MYO1E: variants seen among roughly 807,000 people sequenced by gnomAD.
MYO1E encodes the protein unconventional myosin-Ie.
Under a neutral mutation model 151.1 loss-of-function variants are expected in MYO1E, and 68 were observed. That is an observed-to-expected ratio of 0.45 (90% CI 0.37 to 0.55). The LOEUF (loss-of-function observed/expected upper bound fraction) is 0.55, where lower values mean the gene tolerates loss of function less well. MYO1E is among the 20% of genes least tolerant of loss of function. The pLI is 0.00. For missense variants in MYO1E, 1,363 were observed against 1,389.3 expected (o/e 0.98, Z 0.30); for synonymous variants, 601 against 501.7 (o/e 1.20, Z -2.64).
chr15:59,161,238 A>T lies in MYO1E; in HGVS notation c.2628-8T>A. On this transcript the variant is annotated splice_region_variant and splice_polypyrimidine_tract_variant and intron_variant, in intron 23 of 27. Transcript: ENST00000288235. Reference sequence around the variant, plus strand: ...TTCAACTTCAGTTCAAGCCTGCAAAAAGCACAGTGGGGTTAACAGGTCGAA... The same window carrying T: ...TTCAACTTCAGTTCAAGCCTGCAAATAGCACAGTGGGGTTAACAGGTCGAA... 1 of 1,613,598 alleles carries T rather than the reference A, an allele frequency of 6.2e-7. No homozygotes were observed. The highest frequency in any genetic ancestry group is 8.5e-7 in the Non-Finnish European group (1 of 1,179,672).
intron 25 of MYO1E, among the ~76,000 whole-genome samples, chr15:59,156,021 C>T (rs905960195): frequency 4.4e-4 from 67 of 152,238 alleles, no homozygotes; most frequent in African/African-American, 1.4e-3. Flanking sequence ...TGGTGCATGC[C>T]ACCACGCCCA....
intron 1 of MYO1E, among the ~76,000 whole-genome samples, chr15:59,278,912 T>C (rs1596397725): frequency 6.6e-6 from 1 of 152,258 alleles, no homozygotes; most frequent in African/African-American, 2.4e-5. Flanking sequence ...ATGGAGAAAC[T>C]GAAGCTTGGG....
At chr15:59,336,477 A>T (rs4775151) in intron 1 of MYO1E, among the ~76,000 whole-genome samples, 152,339 of 152,346 alleles carry the variant, frequency 1, 76,166 homozygotes, top group Non-Finnish European at 1. Flanking sequence ...TTCATAAGTA[A>T]CTTTTATTTT....
At chr15:59,255,309 G>A (rs1280868356) in intron 4 of MYO1E, among the ~76,000 whole-genome samples, 1 of 151,948 alleles carries the variant, frequency 6.6e-6, no homozygotes, top group Non-Finnish European at 1.5e-5. Flanking sequence ...GTAGAGATGG[G>A]GTTTCGCCAT....
chr15:59,305,291 T>G (rs970265061), intron 1 of MYO1E, among the ~76,000 whole-genome samples: 2 of 152,136 alleles, frequency 1.3e-5, no homozygotes, highest in Non-Finnish European at 2.9e-5. Context: ...CCTCCCGGGA[T>G]CAAGCAATCC....
intron 4 of MYO1E, among the ~76,000 whole-genome samples, chr15:59,254,735 G>A (rs898164899): frequency 9.9e-5 from 15 of 151,912 alleles, no homozygotes; most frequent in South Asian, 4.1e-4. Flanking sequence ...ACACAAATAC[G>A]TATGATAAGA....
intron 1 of MYO1E, among the ~76,000 whole-genome samples, chr15:59,318,101 A>G (rs993876874): frequency 6.6e-5 from 10 of 152,172 alleles, no homozygotes; most frequent in African/African-American, 2.4e-4. Flanking sequence ...TGTAATTACA[A>G]TTGCGATTTC....
chr15:59,303,817 T>A (rs137914331), intron 1 of MYO1E, among the ~76,000 whole-genome samples: 51 of 152,122 alleles, frequency 3.4e-4, no homozygotes, highest in African/African-American at 1.1e-3. Context: ...TTCTACTGAG[T>A]CGGCAGTGTA....
chr15:59,179,286 C>A (rs570236220), intron 18 of MYO1E, among the ~76,000 whole-genome samples: 1 of 152,224 alleles, frequency 6.6e-6, no homozygotes, highest in South Asian at 2.1e-4. Context: ...TTGTTAGTTT[C>A]TCTCATAGCA....
chr15:59,236,765 C>A (rs533753046), intron 4 of MYO1E, 93 bp from the exon 5 acceptor site: 640 of 1,173,080 alleles, frequency 5.5e-4, no homozygotes, highest in Admixed American at 3.5e-3. Context: ...AACAAACAAA[C>A]AAAAAAACAA....
At chr15:59,191,506 T>G (rs534919769) in intron 17 of MYO1E, among the ~76,000 whole-genome samples, 1 of 152,306 alleles carries the variant, frequency 6.6e-6, no homozygotes, top group South Asian at 2.1e-4. Context: ...ATTTAAAGGT[T>G]CTGCTCATTT....
intron 4 of MYO1E, among the ~76,000 whole-genome samples, chr15:59,238,384 A>G (rs2080079472): frequency 6.6e-6 from 1 of 152,238 alleles, no homozygotes; most frequent in African/African-American, 2.4e-5. Flanking sequence ...CCAATATAAT[A>G]CTGCACAGGC....
chr15:59,368,079 A>G (rs1443226285), intron 1 of MYO1E, among the ~76,000 whole-genome samples: 2 of 152,192 alleles, frequency 1.3e-5, no homozygotes, highest in African/African-American at 4.8e-5. Context: ...AGATCGCGCC[A>G]GTGCACTCCA....
At position 59,304,100 on chromosome 15, in the gene MYO1E, AG is replaced by A. The variant is rs573394224; in HGVS notation, c.4-31652del. Reference sequence around the variant, plus strand: ...TGGGTTCAAGCGATTCTCCTGCGTTAGTCTCTCTAGTAGCTGGGATTACAGG... The same window carrying A: ...TGGGTTCAAGCGATTCTCCTGCGTTATCTCTCTAGTAGCTGGGATTACAGG... On this transcript the variant is annotated intron_variant, in intron 1 of 27. Coordinates refer to ENST00000288235, the MANE Select transcript of MYO1E (RefSeq NM_004998.4). Among the ~76,000 whole-genome samples, 5 of 147,430 alleles carry A rather than the reference AG, an allele frequency of 3.4e-5. No individual in the cohort carries two copies. In the East Asian group the frequency reaches 1.0e-3, roughly 30 times the overall value.
chr15:59,295,285 G>A (rs1449048304), intron 1 of MYO1E, among the ~76,000 whole-genome samples: 2 of 152,038 alleles, frequency 1.3e-5, no homozygotes, highest in East Asian at 3.9e-4. Flanking sequence ...AGGGAAACAA[G>A]GAGAGTAAAG....
At chr15:59,207,023 T>G (rs1435226124) in intron 14 of MYO1E, 1 of 1,613,646 alleles carries the variant, frequency 6.2e-7, no homozygotes, top group Non-Finnish European at 8.5e-7. Flanking sequence ...GGGATGGCCC[T>G]GTGTCCGCGT....
At chr15:59,150,265 G>C (rs1489582590) in intron 26 of MYO1E, among the ~76,000 whole-genome samples, 2 of 152,214 alleles carry the variant, frequency 1.3e-5, no homozygotes, top group South Asian at 4.1e-4. Flanking sequence ...CTCATGGCCT[G>C]CCTCCAAGAC....
Position 59,153,810 on chromosome 15 carries a change from A to C in MYO1E, c.2879-19T>G. 6.2e-7 allele frequency: 1 copy of C among 1,604,074 alleles called. No homozygotes were observed. Among genetic ancestry groups the C allele is most frequent in the Non-Finnish European group, 8.5e-7 (1 of 1,170,834 alleles). ...TGGTATCCTAGAGAGAGGAACAGAG[A>C]AGGAAATAAGGCTCAGATTTTTGGA... is the stretch of plus-strand genomic sequence containing the variant. On this transcript the variant is annotated intron_variant, in intron 25 of 27. Coordinates refer to ENST00000288235, the MANE Select transcript of MYO1E (RefSeq NM_004998.4).
chr15:59,290,220 A>T (rs1173635627), intron 1 of MYO1E, among the ~76,000 whole-genome samples: 1 of 152,204 alleles, frequency 6.6e-6, no homozygotes, highest in Non-Finnish European at 1.5e-5. Context: ...GCTACGGTAG[A>T]AGACAGAAGA....
Sources: gnomAD v4.1 joint callset for allele counts (sites outside exome capture counted in the v4.1 genomes callset) on GRCh38, gnomAD v4.1.1 for gene constraint, MANE v1.5 for transcripts, NCBI Gene and HGNC (gene_info 2026-07-23, HGNC 2026-07-21) for gene names.